SORCS1: variants seen among roughly 807,000 people sequenced by gnomAD.
SORCS1 encodes the protein sortilin related VPS10 domain containing receptor 1.
Under a neutral mutation model 146.1 loss-of-function variants are expected in SORCS1, and 60 were observed. That is an observed-to-expected ratio of 0.41 (90% CI 0.33 to 0.51). The LOEUF is 0.51. Among genes scored for constraint, SORCS1 ranks in the 20% least tolerant of loss-of-function variants. The pLI is 0.21. For synonymous variants in SORCS1, 637 were observed against 584.0 expected, an observed-to-expected ratio of 1.09 and a Z score of -1.31; for missense variants, 1,352 against 1,487.6, an observed-to-expected ratio of 0.91 and a Z score of 1.50.
chr10:106,874,044 TTG>T (rs1950514112), intron 2 of SORCS1, among the ~76,000 whole-genome samples: 1 of 152,220 alleles, frequency 6.6e-6, no homozygotes, highest in African/African-American at 2.4e-5. Flanking sequence ...ATCAACCTGA[TTG>T]TGAAACATTT....
intron 1 of SORCS1, among the ~76,000 whole-genome samples, chr10:107,021,132 T>C (rs1376620142): frequency 2.6e-5 from 4 of 152,136 alleles, no homozygotes; most frequent in African/African-American, 9.7e-5. Flanking sequence ...GATCATACTA[T>C]AAATGCAAAC....
rs760575593 is a variant in SORCS1 at position 107,086,717 on chromosome 10, AT to A, written c.558+77251del. Among the ~76,000 whole-genome samples the A allele has an allele frequency of 1.2e-4, 18 of 152,330 alleles. No individual in the cohort carries two copies. In the South Asian group the frequency reaches 3.7e-3, roughly 32 times the overall value. ...AATACAGCACTCTGTTAGTCACATTATTTAACTCCACCTAGAAAATATTACC... is the reference window on the plus strand; with the variant it reads ...AATACAGCACTCTGTTAGTCACATTATTAACTCCACCTAGAAAATATTACC... On this transcript the variant is annotated intron_variant, in intron 1 of 25. Coordinates refer to ENST00000263054, the MANE Select transcript of SORCS1 (RefSeq NM_052918.5).
chr10:107,093,631 T>A (rs1490898081), intron 1 of SORCS1, among the ~76,000 whole-genome samples: 1 of 148,398 alleles, frequency 6.7e-6, no homozygotes, highest in Admixed American at 6.7e-5. Context: ...TGAGATCACA[T>A]CACTGCAGCC....
At chr10:107,162,746 C>T (rs1459945484) in intron 1 of SORCS1, among the ~76,000 whole-genome samples, 3 of 152,208 alleles carry the variant, frequency 2.0e-5, no homozygotes, top group Non-Finnish European at 1.5e-5. Flanking sequence ...ATGAGCACAA[C>T]TCACTAAAGT....
intron 2 of SORCS1, among the ~76,000 whole-genome samples, chr10:106,929,187 G>C (rs765291434): frequency 6.6e-6 from 1 of 152,018 alleles, no homozygotes; most frequent in Non-Finnish European, 1.5e-5. Context: ...CTTAGAAGGG[G>C]ATTATACTTT....
intron 2 of SORCS1, among the ~76,000 whole-genome samples, chr10:106,830,500 A>G (rs1289064240): frequency 6.6e-6 from 1 of 152,026 alleles, no homozygotes; most frequent in African/African-American, 2.4e-5. Context: ...TGATAAATGG[A>G]CAGCTAGAAA....
intron 1 of SORCS1, among the ~76,000 whole-genome samples, chr10:107,034,176 G>C (rs1958788648): frequency 6.6e-6 from 1 of 152,126 alleles, no homozygotes; most frequent in Admixed American, 6.5e-5. Context: ...GTCTTAATTA[G>C]ATTGGGTAGT....
At chr10:107,072,764 C>T (rs1420774977) in intron 1 of SORCS1, among the ~76,000 whole-genome samples, 1 of 147,622 alleles carries the variant, frequency 6.8e-6, no homozygotes, top group Non-Finnish European at 1.5e-5. Context: ...AAAAAAGAAC[C>T]ACCGAGATAA....
At chr10:106,930,721 A>G (rs948174131) in intron 2 of SORCS1, among the ~76,000 whole-genome samples, 2 of 152,106 alleles carry the variant, frequency 1.3e-5, no homozygotes, top group Middle Eastern at 3.4e-3. Context: ...GGTTCTTAGG[A>G]GTCAGAACTT....
At chr10:107,160,522 C>T (rs1294464151) in intron 1 of SORCS1, among the ~76,000 whole-genome samples, 1 of 152,084 alleles carries the variant, frequency 6.6e-6, no homozygotes, top group Non-Finnish European at 1.5e-5. Context: ...ATGTCAAATC[C>T]CAGAACAACT....
chr10:107,032,697 G>C (rs1024925890), intron 1 of SORCS1, among the ~76,000 whole-genome samples: 2 of 152,164 alleles, frequency 1.3e-5, no homozygotes, highest in Non-Finnish European at 2.9e-5. Flanking sequence ...ATTCTCCACA[G>C]CATCTAATGC....
chr10:106,900,606 A>C (rs996717623), intron 2 of SORCS1, among the ~76,000 whole-genome samples: 15 of 152,158 alleles, frequency 9.9e-5, no homozygotes, highest in Admixed American at 6.5e-4. Context: ...AGCTTCAATC[A>C]TCCCCACTGG....
At chr10:106,578,531 A>T (rs1050739649) in intron 25 of SORCS1, 2 of 397,806 alleles carry the variant, frequency 5.0e-6, no homozygotes, top group African/African-American at 4.4e-5. Context: ...TAGGTTCCAA[A>T]TCTCCTGAGG....
chr10:106,899,430 C>T (rs1203642430), intron 2 of SORCS1, among the ~76,000 whole-genome samples: 2 of 152,198 alleles, frequency 1.3e-5, no homozygotes, highest in Non-Finnish European at 2.9e-5. Context: ...CCCTCAAAAG[C>T]GTCCAACTCT....
chr10:106,931,461 A>G (rs930223514), intron 2 of SORCS1, among the ~76,000 whole-genome samples: 3 of 152,218 alleles, frequency 2.0e-5, no homozygotes, highest in African/African-American at 7.2e-5. Flanking sequence ...GGGTGGGGAA[A>G]ATACTTGGTA....
chr10:106,800,325 T>C (rs1016643446), intron 3 of SORCS1, among the ~76,000 whole-genome samples: 5 of 152,170 alleles, frequency 3.3e-5, no homozygotes, highest in African/African-American at 1.2e-4. Context: ...TGCTAAGTGA[T>C]ACTTACATAA....
intron 3 of SORCS1, among the ~76,000 whole-genome samples, chr10:106,784,408 A>C (rs1001342579): frequency 1.2e-3 from 184 of 148,088 alleles, no homozygotes; most frequent in Non-Finnish European, 2.5e-3. Context: ...AAAAAAAAAA[A>C]ACCTAAACAT....
intron 5 of SORCS1, among the ~76,000 whole-genome samples, chr10:106,753,683 T>TAA (rs112977179): frequency 7.1e-6 from 1 of 141,764 alleles, no homozygotes; most frequent in Non-Finnish European, 1.5e-5. Context: ...CCAGGTATAT[T>TAA]AAAAAAAAAA....
intron 10 of SORCS1, among the ~76,000 whole-genome samples, chr10:106,686,975 T>C (rs1852899091): frequency 6.6e-6 from 1 of 152,164 alleles, no homozygotes; most frequent in South Asian, 2.1e-4. Context: ...CCCCCTCCCC[T>C]ACAAGCCCTT....
Sources: allele counts gnomAD v4.1 joint callset (sites outside exome capture counted in the v4.1 genomes callset), GRCh38; gene constraint gnomAD v4.1.1; transcripts MANE v1.5; gene names NCBI Gene and HGNC (gene_info 2026-07-23, HGNC 2026-07-21).